Variants in RAB22A observed in about 807,000 individuals in gnomAD.
RAB22A encodes the protein ras-related protein Rab-22A.
A neutral mutation model predicts 30.2 loss-of-function variants in RAB22A; 13 were observed. That is an observed-to-expected ratio of 0.43 (90% CI 0.28 to 0.68). The LOEUF is 0.68. RAB22A is among the 30% of genes least tolerant of loss of function. The probability of loss-of-function intolerance (pLI) is 0.18; values close to 1 mark genes in which losing one functional copy is unlikely to be tolerated. For synonymous variants in RAB22A, 89 were observed against 87.2 expected (o/e 1.02, Z -0.11); for missense variants, 177 against 246.8 (o/e 0.72, Z 1.89).
At chr20:58,326,596 T>C (rs1986574061) in intron 2 of RAB22A, among the ~76,000 whole-genome samples, 1 of 152,204 alleles carries the variant, frequency 6.6e-6, no homozygotes, top group African/African-American at 2.4e-5. Flanking sequence ...AGTTCCAGTT[T>C]TTGACTATTA....
intron 6 of RAB22A, among the ~76,000 whole-genome samples, chr20:58,358,146 T>G (rs1987162948): frequency 6.6e-6 from 1 of 152,126 alleles, no homozygotes; most frequent in Non-Finnish European, 1.5e-5. Flanking sequence ...AGGAAAGCCT[T>G]TGTACAAGAA....
intron 2 of RAB22A, among the ~76,000 whole-genome samples, chr20:58,328,603 T>C (rs543213141): frequency 2.0e-5 from 3 of 152,290 alleles, no homozygotes; most frequent in African/African-American, 7.2e-5. Context: ...ACTGGCTATT[T>C]GAGGTTTAAA....
intron 5 of RAB22A, 43 bp from the exon 6 acceptor site, chr20:58,354,113 T>C (rs747074735): frequency 6.9e-7 from 1 of 1,443,606 alleles, no homozygotes; most frequent in South Asian, 1.2e-5. Context: ...ACAACTAAGA[T>C]CTTCATGGGT....
intron 3 of RAB22A, among the ~76,000 whole-genome samples, chr20:58,351,049 C>T (rs1431966638): frequency 2.0e-5 from 3 of 152,070 alleles, no homozygotes; most frequent in Non-Finnish European, 4.4e-5. Flanking sequence ...TGTAGAAAAA[C>T]GTGCAGTAGT....
chr20:58,337,475 G>A (rs1453793112), intron 2 of RAB22A, among the ~76,000 whole-genome samples: 1 of 152,176 alleles, frequency 6.6e-6, no homozygotes, highest in East Asian at 1.9e-4. Flanking sequence ...CACAGGTTCT[G>A]AGGTTAAGGT....
intron 3 of RAB22A, among the ~76,000 whole-genome samples, chr20:58,344,429 T>C (rs888133112): frequency 6.6e-6 from 1 of 152,068 alleles, no homozygotes; most frequent in Non-Finnish European, 1.5e-5. Flanking sequence ...GACAAACACA[T>C]CTGCTTCCTC....
rs969014109 is a variant in RAB22A at position 58,366,690 on chromosome 20, C to T, written c.*6987C>T. 5.3e-5 allele frequency: 8 copies of T among 152,264 alleles called. No individual in the cohort carries two copies. Among genetic ancestry groups the T allele is most frequent in the African/African-American group, 1.7e-4 (7 of 41,564 alleles). The allele number at this position is 152,264 out of a possible 1,614,324, so 9.4% of individuals were successfully genotyped here. ...GAGGCCAGTGTTAGGTGAAGAACTC[C>T]GCTGCTTCAGAAAGAGAATAGCAGC... On this transcript the variant is annotated 3_prime_UTR_variant, in exon 7 of 7. Transcript: ENST00000244040.
chr20:58,321,605 TAA>T (rs1226523020), intron 2 of RAB22A, among the ~76,000 whole-genome samples: 1 of 152,194 alleles, frequency 6.6e-6, no homozygotes, highest in Non-Finnish European at 1.5e-5. Flanking sequence ...TATTTTGCAG[TAA>T]AAGAGTATTT....
At chr20:58,322,428 C>T (rs1986479678) in intron 2 of RAB22A, among the ~76,000 whole-genome samples, 1 of 152,164 alleles carries the variant, frequency 6.6e-6, no homozygotes, top group African/African-American at 2.4e-5. Context: ...GTCATATTAG[C>T]TACATTTCAA....
At chr20:58,331,143 C>T (rs986223470) in intron 2 of RAB22A, among the ~76,000 whole-genome samples, 1 of 152,172 alleles carries the variant, frequency 6.6e-6, no homozygotes, top group Non-Finnish European at 1.5e-5. Context: ...AGAGACCCAA[C>T]TCAAGGTCTC....
At chr20:58,343,041 G>A (rs1307406034) in intron 2 of RAB22A, among the ~76,000 whole-genome samples, 1 of 152,186 alleles carries the variant, frequency 6.6e-6, no homozygotes, top group African/African-American at 2.4e-5. Flanking sequence ...AAAGTGAGCG[G>A]TGTGACCTGC....
In RAB22A at chr20:58,363,298, C is replaced by G. The variant is rs1271984357; in HGVS notation, c.*3595C>G. On this transcript the variant is annotated 3_prime_UTR_variant, in exon 7 of 7. Coordinates refer to ENST00000244040, the MANE Select transcript of RAB22A (RefSeq NM_020673.3). ...TTTCACTTATTCTTTCAGAATACAT[C>G]AAGGATGTGATTTATGGGCCCTTAA... 2 of 152,140 alleles carry G rather than the reference C, an allele frequency of 1.3e-5. No individual in the cohort carries two copies. The highest frequency in any genetic ancestry group is 2.1e-4 in the South Asian group (1 of 4,828). The allele number at this position is 152,140 out of a possible 1,614,324, so 9.4% of individuals were successfully genotyped here.
At chr20:58,322,877 T>C (rs973739462) in intron 2 of RAB22A, among the ~76,000 whole-genome samples, 7 of 152,226 alleles carry the variant, frequency 4.6e-5, no homozygotes, top group African/African-American at 1.4e-4. Flanking sequence ...TTTTTTTTCA[T>C]ACTAAGTCTT....
chr20:58,323,367 TC>T (rs1568865644), intron 2 of RAB22A, among the ~76,000 whole-genome samples: 7 of 152,144 alleles, frequency 4.6e-5, no homozygotes, highest in Admixed American at 6.6e-5. Context: ...AGAGCTTATC[TC>T]TATACATTAT....
At chr20:58,321,348 A>T (rs1437295928) in intron 2 of RAB22A, among the ~76,000 whole-genome samples, 1 of 152,086 alleles carries the variant, frequency 6.6e-6, no homozygotes, top group Non-Finnish European at 1.5e-5. Context: ...TGAATGACAG[A>T]GTGAGAACTC....
intron 2 of RAB22A, among the ~76,000 whole-genome samples, chr20:58,342,264 G>A (rs568973648): frequency 6.6e-6 from 1 of 152,092 alleles, no homozygotes; most frequent in East Asian, 1.9e-4. Flanking sequence ...GATACCAAGG[G>A]GTAAATTTTC....
chr20:58,348,394 G>A (rs1294012471), intron 3 of RAB22A, among the ~76,000 whole-genome samples: 1 of 152,172 alleles, frequency 6.6e-6, no homozygotes, highest in Non-Finnish European at 1.5e-5. Flanking sequence ...GTAAGGAATT[G>A]TTCTCCTGTT....
chr20:58,323,311 T>C (rs544991193), intron 2 of RAB22A, among the ~76,000 whole-genome samples: 18 of 152,318 alleles, frequency 1.2e-4, no homozygotes, highest in African/African-American at 4.3e-4. Context: ...CTTTTAAAAA[T>C]TGAAGTTATA....
At chr20:58,341,153 A>G (rs910490562) in intron 2 of RAB22A, among the ~76,000 whole-genome samples, 1 of 152,178 alleles carries the variant, frequency 6.6e-6, no homozygotes, top group Non-Finnish European at 1.5e-5. Flanking sequence ...GAGCTGGTTG[A>G]AAGTCTTGGG....
Sources: allele counts gnomAD v4.1 joint callset (sites outside exome capture counted in the v4.1 genomes callset), GRCh38; gene constraint gnomAD v4.1.1; transcripts MANE v1.5; gene names NCBI Gene and HGNC (gene_info 2026-07-23, HGNC 2026-07-21).